The following FNDC3B variants were observed in gnomAD, a reference collection of about 807,000 sequenced individuals.
The protein encoded by FNDC3B is fibronectin type III domain-containing protein 3B.
Under a neutral mutation model 151.5 loss-of-function variants are expected in FNDC3B, and 12 were observed. The ratio of observed to expected loss-of-function variants is 0.08; its 90% confidence interval spans 0.05 to 0.13. FNDC3B has a LOEUF of 0.13. Ranked by LOEUF, FNDC3B falls within the 10% of genes least tolerant of loss-of-function variation. The pLI is 1.00. For missense variants in FNDC3B, 1,214 were observed against 1,505.3 expected, an observed-to-expected ratio of 0.81 and a Z score of 3.20; for synonymous variants, 528 against 549.0, an observed-to-expected ratio of 0.96 and a Z score of 0.54.
At chr3:172,199,764 G>A (rs1254544309) in intron 3 of FNDC3B, among the ~76,000 whole-genome samples, 1 of 152,126 alleles carries the variant, frequency 6.6e-6, no homozygotes, top group Non-Finnish European at 1.5e-5. Flanking sequence ...ATTTAAGAAA[G>A]ATTGATAAAA....
At chr3:172,179,288 C>T (rs1415732426) in intron 3 of FNDC3B, among the ~76,000 whole-genome samples, 2 of 152,128 alleles carry the variant, frequency 1.3e-5, no homozygotes, top group Non-Finnish European at 2.9e-5. Flanking sequence ...TCTCGAACTC[C>T]TGACCTCAGG....
In FNDC3B at chr3:172,362,767, A is replaced by G; in HGVS notation, c.2930A>G (p.Lys977Arg). 1 of 1,614,110 alleles carries G rather than the reference A, an allele frequency of 6.2e-7. No homozygotes were observed. The highest frequency in any genetic ancestry group is 8.5e-7 in the Non-Finnish European group (1 of 1,180,012). The change falls in exon 23 of 26, where the codon AAA (lysine) becomes AGA (arginine). Residue 977 changes from lysine to arginine, a missense_variant. Physicochemically the swap from Lys to Arg is conservative, Grantham distance 26 (BLOSUM62 2). Coordinates refer to ENST00000415807, the MANE Select transcript of FNDC3B (RefSeq NM_022763.4). Reference protein sequence around the residue: ...AAAGPQSLKLKWGDSNSKTHA... With the variant: ...AAAGPQSLKLRWGDSNSKTHA... ...GCTGGTCCTCAGAGCCTGAAGCTAAAATGGGGAGACAGTAACTCCAAGACA... is the reference window on the plus strand; with the variant it reads ...GCTGGTCCTCAGAGCCTGAAGCTAAGATGGGGAGACAGTAACTCCAAGACA...
intron 2 of FNDC3B, among the ~76,000 whole-genome samples, chr3:172,113,018 T>C (rs758401214): frequency 2.0e-5 from 3 of 152,196 alleles, no homozygotes; most frequent in Non-Finnish European, 4.4e-5. Context: ...GAATAGTCCT[T>C]CCAAATGTGT....
At chr3:172,149,849 T>TG (rs1311845395) in intron 3 of FNDC3B, among the ~76,000 whole-genome samples, 1 of 128,878 alleles carries the variant, frequency 7.8e-6, no homozygotes, top group Non-Finnish European at 1.6e-5. Context: ...GACAGAGTCT[T>TG]GCTCTGTCAC....
At chr3:172,099,542 C>G (rs1162880677) in intron 1 of FNDC3B, among the ~76,000 whole-genome samples, 1 of 152,140 alleles carries the variant, frequency 6.6e-6, no homozygotes, top group East Asian at 1.9e-4. Context: ...GCACGGGGAT[C>G]CCCATCTAAC....
intron 9 of FNDC3B, among the ~76,000 whole-genome samples, chr3:172,300,303 T>G (rs1391040422): frequency 3.3e-5 from 5 of 152,376 alleles, no homozygotes; most frequent in South Asian, 2.1e-4. Flanking sequence ...AACATATGTT[T>G]CTTTCTGCTC....
chr3:172,397,002 G>T (rs1034501722), intron 25 of FNDC3B, among the ~76,000 whole-genome samples, 162 bp from the exon 26 acceptor site: 2 of 152,164 alleles, frequency 1.3e-5, no homozygotes. Context: ...CCTTTTTATG[G>T]TTGGAATACA....
intron 6 of FNDC3B, among the ~76,000 whole-genome samples, chr3:172,277,540 G>C (rs1314499080): frequency 6.6e-6 from 1 of 152,094 alleles, no homozygotes; most frequent in East Asian, 1.9e-4. Flanking sequence ...TAGCGCGTAG[G>C]GTTTTAAGAT....
chr3:172,363,770 A>G (rs1734476110), intron 23 of FNDC3B, among the ~76,000 whole-genome samples: 1 of 152,182 alleles, frequency 6.6e-6, no homozygotes, highest in Non-Finnish European at 1.5e-5. Flanking sequence ...AAGCACTTTG[A>G]TGGATTTCAG....
intron 1 of FNDC3B, among the ~76,000 whole-genome samples, chr3:172,066,076 C>T (rs1576831295): frequency 6.6e-6 from 1 of 152,286 alleles, no homozygotes; most frequent in East Asian, 1.9e-4. Context: ...TGTAGAAATG[C>T]AGGTAAGAAG....
intron 10 of FNDC3B, 28 bp downstream of exon 10, chr3:172,307,529 T>G (rs1250670020): frequency 3.7e-6 from 6 of 1,612,980 alleles, no homozygotes; most frequent in Non-Finnish European, 5.1e-6. Context: ...TCAAGAATCG[T>G]CTCAATTTAA....
rs562103996 is a variant in FNDC3B, at chr3:172,181,405, A to AC, written c.188-45466_188-45465insC. ...GTGAGACTCTGTCTCCAAAAAAAAAAAAAAAAAAACAAAAAAAAACACCTT... is the reference window on the plus strand; with the variant it reads ...GTGAGACTCTGTCTCCAAAAAAAAAACAAAAAAAAACAAAAAAAAACACCTT... On this transcript the variant is annotated intron_variant, in intron 3 of 25. Coordinates refer to ENST00000415807, the MANE Select transcript of FNDC3B (RefSeq NM_022763.4). Among the ~76,000 whole-genome samples the AC allele has an allele frequency of 8.8e-4, 128 of 146,192 alleles. 1 individual carries two copies. The South Asian group carries it at 0.015, about 17-fold the overall frequency.
At chr3:172,287,953 A>G (rs1730113897) in intron 7 of FNDC3B, among the ~76,000 whole-genome samples, 1 of 152,232 alleles carries the variant, frequency 6.6e-6, no homozygotes, top group Non-Finnish European at 1.5e-5. Context: ...GCTTGGCTAC[A>G]GAAGCACACA....
intron 16 of FNDC3B, 157 bp downstream of exon 16, chr3:172,337,558 A>G (rs1733049498): frequency 1.8e-6 from 1 of 571,128 alleles, no homozygotes; most frequent in Non-Finnish European, 3.1e-6. Context: ...CAGTTTTTCT[A>G]TTTCAAACAC....
intron 24 of FNDC3B, among the ~76,000 whole-genome samples, chr3:172,379,305 C>T (rs950456615): frequency 6.6e-6 from 1 of 152,210 alleles, no homozygotes; most frequent in Non-Finnish European, 1.5e-5. Context: ...CGAGCTATTG[C>T]TCAAAATAAC....
chr3:172,381,061 G>A lies in FNDC3B; in HGVS notation c.3271G>A (p.Val1091Ile). 2 of 1,613,782 alleles carry A rather than the reference G, an allele frequency of 1.2e-6. No individual in the cohort carries two copies. The highest frequency in any genetic ancestry group is 1.7e-4 in the Middle Eastern group (1 of 6,058). Residue 1091 changes from valine to isoleucine, a missense_variant, in exon 25 of 26, where the codon GTA becomes ATA. By Grantham distance (29) the Val-to-Ile change is conservative (BLOSUM62 3). This residue lies in a region of FNDC3B where 284 missense variants were observed against 392.4 expected (regional missense o/e 0.72). Coordinates refer to ENST00000415807, the MANE Select transcript of FNDC3B (RefSeq NM_022763.4). ...TGACCCTGTTAACTACATTCTGCAG[G>A]TATTGGTTGGAAGAGAATCTGAGTA... ...KGDPVNYILQVLVGRESEYKQ... is the reference protein window; with the variant it reads ...KGDPVNYILQILVGRESEYKQ...
At chr3:172,368,059 A>G (rs1195668000) in intron 23 of FNDC3B, among the ~76,000 whole-genome samples, 2 of 152,164 alleles carry the variant, frequency 1.3e-5, no homozygotes, top group Non-Finnish European at 2.9e-5. Context: ...TAGGCAACTA[A>G]TAAAAATGGT....
At chr3:172,125,744 C>T (rs1720779232) in intron 2 of FNDC3B, among the ~76,000 whole-genome samples, 2 of 152,174 alleles carry the variant, frequency 1.3e-5, no homozygotes, top group African/African-American at 2.4e-5. Flanking sequence ...ATGGCCACTT[C>T]GCGTCACAGG....
At chr3:172,169,082 T>A (rs956088579) in intron 3 of FNDC3B, among the ~76,000 whole-genome samples, 1 of 151,994 alleles carries the variant, frequency 6.6e-6, no homozygotes. Context: ...GACATAAAAG[T>A]TTTGTCTGTG....
Sources: gnomAD v4.1 joint callset for allele counts (sites outside exome capture counted in the v4.1 genomes callset) on GRCh38, gnomAD v4.1.1 for gene constraint, gnomAD v4.1.1 regional missense constraint, MANE v1.5 for transcripts, NCBI Gene and HGNC (gene_info 2026-07-23, HGNC 2026-07-21) for gene names.